STAT5B: variants seen among roughly 807,000 people sequenced by gnomAD.
STAT5B encodes signal transducer and activator of transcription 5B.
A neutral mutation model predicts 107.8 loss-of-function variants in STAT5B; 21 were observed. That is an observed-to-expected ratio of 0.19 (90% CI 0.14 to 0.28). STAT5B has a LOEUF of 0.28. STAT5B is among the 10% of genes least tolerant of loss of function. The probability of loss-of-function intolerance (pLI) is 1.00; values close to 1 mark genes in which losing one functional copy is unlikely to be tolerated. For missense variants in STAT5B, 565 were observed against 1,008.2 expected, an observed-to-expected ratio of 0.56 and a Z score of 5.95; for synonymous variants, 325 against 401.7, an observed-to-expected ratio of 0.81 and a Z score of 2.28.
At chr17:42,255,632 C>T (rs935340258) in intron 1 of STAT5B, among the ~76,000 whole-genome samples, 2 of 152,102 alleles carry the variant, frequency 1.3e-5, no homozygotes, top group Admixed American at 1.3e-4. Context: ...GAATGAATGG[C>T]GGTTGTCAGA....
chr17:42,229,723 T>C (rs1021727110), intron 2 of STAT5B, among the ~76,000 whole-genome samples: 3 of 151,356 alleles, frequency 2.0e-5, no homozygotes, highest in Admixed American at 6.6e-5. Flanking sequence ...ATACAAAAAT[T>C]AGCTCGGTGT....
At chr17:42,257,960 AAC>A (rs1459227015) in intron 1 of STAT5B, among the ~76,000 whole-genome samples, 3 of 152,158 alleles carry the variant, frequency 2.0e-5, no homozygotes, top group African/African-American at 7.2e-5. Flanking sequence ...ACCACTAGAC[AAC>A]CAGGGAATTA....
At chr17:42,275,386 C>G (rs1200695725) in intron 1 of STAT5B, 2 of 152,196 alleles carry the variant, frequency 1.3e-5, no homozygotes, top group Non-Finnish European at 2.9e-5. Context: ...TTAATCCCGT[C>G]TTTCTAAAAG....
At chr17:42,203,983 C>T (rs2080066735) in intron 16 of STAT5B, among the ~76,000 whole-genome samples, 1 of 152,032 alleles carries the variant, frequency 6.6e-6, no homozygotes, top group African/African-American at 2.4e-5. Context: ...AATGGAAAGG[C>T]CTAGGCACTG....
intron 1 of STAT5B, among the ~76,000 whole-genome samples, chr17:42,242,238 A>G (rs1433142189): frequency 6.6e-6 from 1 of 152,170 alleles, no homozygotes; most frequent in East Asian, 1.9e-4. Flanking sequence ...ATATATTTAA[A>G]ACTCTCATCT....
the STAT5B span, among the ~76,000 whole-genome samples, chr17:42,286,812 G>A: frequency 2.0e-5 from 3 of 152,230 alleles, no homozygotes; most frequent in Non-Finnish European, 4.4e-5. Context: ...GTGGCAATGG[G>A]TTTGTATCCA....
chr17:42,268,842 T>C (rs1192841736), intron 1 of STAT5B: 1 of 152,178 alleles, frequency 6.6e-6, no homozygotes, highest in African/African-American at 2.4e-5. Flanking sequence ...TTAGCATTAT[T>C]TCTAACAGAA....
intron 1 of STAT5B, among the ~76,000 whole-genome samples, chr17:42,232,822 A>G (rs942492862): frequency 1.3e-5 from 2 of 151,924 alleles, no homozygotes. Context: ...TTCAACAGTA[A>G]TAAATAATTA....
chr17:42,213,184 A>T (rs903621115), intron 12 of STAT5B, among the ~76,000 whole-genome samples: 1 of 152,214 alleles, frequency 6.6e-6, no homozygotes, highest in African/African-American at 2.4e-5. Flanking sequence ...CACATAGGCA[A>T]ATATATATGG....
At chr17:42,239,745 A>G (rs906873368) in intron 1 of STAT5B, among the ~76,000 whole-genome samples, 3 of 152,354 alleles carry the variant, frequency 2.0e-5, no homozygotes, top group Middle Eastern at 3.4e-3. Context: ...CAATTCTACA[A>G]AAGGGTAAAC....
At chr17:42,254,240 C>T (rs747643829) in intron 1 of STAT5B, among the ~76,000 whole-genome samples, 1 of 152,008 alleles carries the variant, frequency 6.6e-6, no homozygotes, top group Admixed American at 6.6e-5. Flanking sequence ...ATTAGCCAGG[C>T]GTGCTGGTAT....
chr17:42,285,823 C>G, the STAT5B span, among the ~76,000 whole-genome samples: 1 of 152,102 alleles, frequency 6.6e-6, no homozygotes, highest in Non-Finnish European at 1.5e-5. Context: ...CCCACTGCAT[C>G]TCAAAGGGAG....
In STAT5B at chr17:42,210,462, T is replaced by C. The variant is rs775637267; in HGVS notation, c.1716A>G (p.Gln572=). The C allele has an allele frequency of 1.5e-5, 24 of 1,614,018 alleles. No individual in the cohort carries two copies. Among genetic ancestry groups the C allele is most frequent in the East Asian group, 6.7e-5 (3 of 44,892 alleles). ...ACACTTCCATCACACCGTCAAACCA[T>C]TGCCAGAAAGTGTAATTCCGTCCTG... is the stretch of plus-strand genomic sequence containing the variant. ...NLPGRNYTFW[Q]WFDGVMEVLK... Residue 572 remains glutamine, a synonymous_variant, in exon 14 of 19, where the codon CAA becomes CAG. Coordinates refer to ENST00000293328, the MANE Select transcript of STAT5B (RefSeq NM_012448.4).
intron 1 of STAT5B, among the ~76,000 whole-genome samples, chr17:42,266,761 C>T (rs2080676525): frequency 6.6e-6 from 1 of 151,928 alleles, no homozygotes; most frequent in Non-Finnish European, 1.5e-5. Context: ...GGGATCTTGC[C>T]TCATCACCAA....
upstream of STAT5B, among the ~76,000 whole-genome samples, chr17:42,280,907 G>A (rs1860664646): frequency 6.6e-6 from 1 of 152,122 alleles, no homozygotes; most frequent in African/African-American, 2.4e-5. Flanking sequence ...GGCCGAGGCG[G>A]GTGGGTCAGG....
At chr17:42,211,543 C>T (rs768490809) in intron 13 of STAT5B, among the ~76,000 whole-genome samples, 2 of 151,848 alleles carry the variant, frequency 1.3e-5, no homozygotes. Context: ...ATCAAAGTGA[C>T]GTCTGAATTA....
chr17:42,228,012 G>T (rs1011154211), intron 2 of STAT5B, among the ~76,000 whole-genome samples: 4 of 152,098 alleles, frequency 2.6e-5, no homozygotes, highest in African/African-American at 9.7e-5. Flanking sequence ...AGGGTTCTGT[G>T]TACTCTGAAG....
the STAT5B span, among the ~76,000 whole-genome samples, chr17:42,287,036 G>GC: frequency 6.6e-6 from 1 of 152,066 alleles, no homozygotes; most frequent in Non-Finnish European, 1.5e-5. Flanking sequence ...CCTCCCTGGG[G>GC]CCCCCTGCAG....
chr17:42,248,554 C>G (rs2080471731), intron 1 of STAT5B, among the ~76,000 whole-genome samples: 2 of 151,964 alleles, frequency 1.3e-5, no homozygotes. Flanking sequence ...TGGTAACAGA[C>G]CGTCTCTCAC....
Sources: allele counts gnomAD v4.1 joint callset (sites outside exome capture counted in the v4.1 genomes callset), GRCh38; gene constraint gnomAD v4.1.1; transcripts MANE v1.5; gene names NCBI Gene and HGNC (gene_info 2026-07-23, HGNC 2026-07-21).